Variants in TBXAS1 observed in about 807,000 individuals in gnomAD.
The protein encoded by TBXAS1 is thromboxane-A synthase.
In TBXAS1, 48 loss-of-function variants were observed where a neutral mutation model predicts 60.7. The ratio of observed to expected loss-of-function variants is 0.79; its 90% CI spans 0.63 to 1.01. The LOEUF is 1.01. TBXAS1 is among the 50% of genes least tolerant of loss of function. TBXAS1 has a pLI of 0.00. For missense variants in TBXAS1, 685 were observed against 686.3 expected (o/e 1.00, Z 0.02); for synonymous variants, 287 against 269.7 (o/e 1.06, Z -0.63).
chr7:139,866,607 A>C (rs1176806744), intron 1 of TBXAS1, among the ~76,000 whole-genome samples: 1 of 149,772 alleles, frequency 6.7e-6, no homozygotes, highest in Admixed American at 6.6e-5. Flanking sequence ...AAAAAAAAAA[A>C]ATTAGCCACC....
chr7:139,921,098 T>A (rs1806433706), intron 4 of TBXAS1, among the ~76,000 whole-genome samples: 1 of 152,196 alleles, frequency 6.6e-6, no homozygotes. Context: ...TTTTTTTAAA[T>A]TGAAGTCACT....
chr7:139,968,323 C>T (rs998734499), intron 9 of TBXAS1, among the ~76,000 whole-genome samples: 2 of 152,170 alleles, frequency 1.3e-5, no homozygotes, highest in Non-Finnish European at 2.9e-5. Flanking sequence ...GAGACAGAGT[C>T]TTGCTCTGTC....
At chr7:139,954,489 A>C (rs1809679186) in intron 6 of TBXAS1, among the ~76,000 whole-genome samples, 1 of 152,268 alleles carries the variant, frequency 6.6e-6, no homozygotes, top group Non-Finnish European at 1.5e-5. Context: ...TTTTCAATAA[A>C]AGCAGTGTGA....
chr7:139,887,961 T>C (rs1027489404), intron 3 of TBXAS1, among the ~76,000 whole-genome samples: 1 of 152,222 alleles, frequency 6.6e-6, no homozygotes, highest in Non-Finnish European at 1.5e-5. Flanking sequence ...TTTCAAACCT[T>C]GAGAGTGAGC....
At chr7:139,939,516 T>G (rs1318994245) in intron 5 of TBXAS1, among the ~76,000 whole-genome samples, 2 of 151,958 alleles carry the variant, frequency 1.3e-5, no homozygotes, top group Non-Finnish European at 1.5e-5. Flanking sequence ...TTCTTGGGTT[T>G]GCGTTTGAAA....
At chr7:139,800,627 A>G (rs1224516491) in intron 4 of TBXAS1, among the ~76,000 whole-genome samples, 1 of 152,032 alleles carries the variant, frequency 6.6e-6, no homozygotes, top group South Asian at 2.1e-4. Context: ...AAGACCCCGG[A>G]GTGTTTGTCT....
chr7:139,830,335 A>G (rs765968727), intron 1 of TBXAS1, among the ~76,000 whole-genome samples: 1 of 152,198 alleles, frequency 6.6e-6, no homozygotes, highest in Non-Finnish European at 1.5e-5. Flanking sequence ...CAGTAGTAAT[A>G]AAGCCTTCTC....
intron 3 of TBXAS1, among the ~76,000 whole-genome samples, chr7:139,785,272 C>G (rs1158408556): frequency 6.6e-6 from 1 of 152,044 alleles, no homozygotes; most frequent in Non-Finnish European, 1.5e-5. Flanking sequence ...TCTTGGCAAG[C>G]TGATCTCTAG....
intron 10 of TBXAS1, among the ~76,000 whole-genome samples, chr7:140,010,379 G>A (rs1320179130): frequency 6.6e-6 from 1 of 152,158 alleles, no homozygotes; most frequent in Non-Finnish European, 1.5e-5. Context: ...CGCCCTTGTG[G>A]GAAACACAGC....
intron 10 of TBXAS1, among the ~76,000 whole-genome samples, chr7:140,015,371 C>T (rs1585062708): frequency 6.6e-6 from 1 of 152,152 alleles, no homozygotes. Flanking sequence ...CAGGCCCCCA[C>T]TATGAAAGCA....
chr7:139,828,314 C>A (rs752623840), upstream of TBXAS1, among the ~76,000 whole-genome samples: 1 of 152,118 alleles, frequency 6.6e-6, no homozygotes, highest in Non-Finnish European at 1.5e-5. Flanking sequence ...AAAAGTGTGT[C>A]CAAAGTTTCC....
chr7:139,893,210 C>T (rs1193323419), intron 3 of TBXAS1, among the ~76,000 whole-genome samples: 1 of 152,038 alleles, frequency 6.6e-6, no homozygotes, highest in Non-Finnish European at 1.5e-5. Context: ...TCAGGAGTGA[C>T]ATTAGCTTTT....
intron 3 of TBXAS1, among the ~76,000 whole-genome samples, chr7:139,785,825 C>T (rs114022953): frequency 0.013 from 2,031 of 151,942 alleles, 40 homozygotes; most frequent in African/African-American, 0.046. Context: ...GCATCCTAAG[C>T]AATAGCTGCA....
chr7:139,925,577 A>G (rs1806814998), intron 4 of TBXAS1, among the ~76,000 whole-genome samples: 1 of 152,222 alleles, frequency 6.6e-6, no homozygotes, highest in African/African-American at 2.4e-5. Context: ...ATGTAAGATC[A>G]TATCATCTGC....
intron 1 of TBXAS1, among the ~76,000 whole-genome samples, chr7:139,839,459 C>G (rs1451091082): frequency 6.6e-6 from 1 of 151,996 alleles, no homozygotes; most frequent in African/African-American, 2.4e-5. Flanking sequence ...AGTATGTGAA[C>G]ACAGCCTGGA....
At chr7:139,828,844 T>C (rs1302618787), upstream of TBXAS1, among the ~76,000 whole-genome samples, 36 of 152,220 alleles carry the variant, frequency 2.4e-4, no homozygotes, top group Admixed American at 2.4e-3. Flanking sequence ...ATGGTTGTCC[T>C]CAAAGCAGCC....
In TBXAS1 at chr7:140,003,098, TG is replaced by T. The variant is rs1382157445; in HGVS notation, c.1135-3990del. ...GAGACCGGGCCATTGTACTCCAGCC[TG>T]GGCAACAAGAGCGAAACTCCGTCTC... On this transcript the variant is annotated intron_variant, in intron 9 of 12. Coordinates refer to ENST00000448866, the MANE Select transcript of TBXAS1 (RefSeq NM_001061.7). Among the ~76,000 whole-genome samples the T allele has an allele frequency of 5.5e-5, 7 of 127,010 alleles. No individual in the cohort carries two copies. The Admixed American group carries it at 6.4e-4, about 12-fold the overall frequency. 83.3% of individuals were successfully genotyped at this position (127,010 alleles called of 152,430 possible). A position where few individuals can be genotyped will look rare whatever the true frequency, so the allele number is the denominator to read the frequency against.
chr7:139,889,924 A>G (rs1803425769), intron 3 of TBXAS1, among the ~76,000 whole-genome samples: 1 of 152,186 alleles, frequency 6.6e-6, no homozygotes, highest in Non-Finnish European at 1.5e-5. Flanking sequence ...AAGGTGACTT[A>G]GGAATGAAGC....
chr7:139,852,035 GGAGAGGC>G lies in TBXAS1; in HGVS notation c.90-20199_90-20193del, dbSNP rs1800253308. 6.6e-6 allele frequency among the ~76,000 whole-genome samples: 1 copy of G among 152,202 alleles called. No homozygotes were observed. Among genetic ancestry groups the G allele is most frequent in the Admixed American group, 6.5e-5 (1 of 15,282 alleles). ...GCAGCCATGTTGAGCAGCCCTATAG[GGAGAGGC>G]TCATATGGCAAAGCCAGCTACAGCT... On this transcript the variant is annotated intron_variant, in intron 1 of 12. Transcript: ENST00000448866. The surrounding 1 kb of genome is among the most constrained non-coding windows in gnomAD (Gnocchi z 4.4).
Sources: allele counts gnomAD v4.1 joint callset (sites outside exome capture counted in the v4.1 genomes callset), GRCh38; gene constraint gnomAD v4.1.1; non-coding constraint Gnocchi (gnomAD v3.1); transcripts MANE v1.5; gene names NCBI Gene and HGNC (gene_info 2026-07-23, HGNC 2026-07-21).